Variants in MTUS2 observed in about 807,000 individuals in gnomAD.
The protein encoded by MTUS2 is microtubule-associated tumor suppressor candidate 2.
MTUS2 carries 40 observed loss-of-function variants against 114.1 expected under a neutral mutation model. The ratio of observed to expected loss-of-function variants is 0.35; its 90% CI spans 0.27 to 0.46. The LOEUF (loss-of-function observed/expected upper bound fraction) is 0.46, where lower values mean the gene tolerates loss of function less well. MTUS2 is among the 20% of genes least tolerant of loss of function. The pLI, the probability that MTUS2 is intolerant of heterozygous loss-of-function variation, is 1.00. For synonymous variants in MTUS2, 688 were observed against 672.0 expected (o/e 1.02, Z -0.37); for missense variants, 1,679 against 1,705.4 (o/e 0.98, Z 0.27).
At chr13:29,117,376 G>T (rs967013473) in intron 5 of MTUS2, among the ~76,000 whole-genome samples, 1 of 152,098 alleles carries the variant, frequency 6.6e-6, no homozygotes, top group African/African-American at 2.4e-5. Context: ...GAGGACAGAG[G>T]GCCACCAGCA....
chr13:29,326,571 AG>A (rs974799676), intron 7 of MTUS2, among the ~76,000 whole-genome samples: 3 of 152,152 alleles, frequency 2.0e-5, no homozygotes, highest in Non-Finnish European at 2.9e-5. Flanking sequence ...GAAGGAAAGA[AG>A]GAAGGCCAGG....
At chr13:29,184,527 G>A (rs1348559918) in intron 5 of MTUS2, among the ~76,000 whole-genome samples, 1 of 152,144 alleles carries the variant, frequency 6.6e-6, no homozygotes. Context: ...GGACATGAAG[G>A]CTAATGTGGA....
intron 2 of MTUS2, among the ~76,000 whole-genome samples, chr13:28,944,543 T>C (rs73439422): frequency 0.011 from 1,606 of 152,350 alleles, 27 homozygotes; most frequent in African/African-American, 0.036. Flanking sequence ...TTGTATATAA[T>C]GACATTTACT....
rs1439426082 is a variant in MTUS2, at chr13:29,497,219, C to T, written c.3580-19C>T. 3 of 1,609,642 alleles carry T rather than the reference C, an allele frequency of 1.9e-6. No individual in the cohort carries two copies. The highest frequency in any genetic ancestry group is 2.5e-6 in the Non-Finnish European group (3 of 1,177,768). On this transcript the variant is annotated intron_variant, in intron 12 of 15. Coordinates refer to ENST00000612955, the MANE Select transcript of MTUS2 (RefSeq NM_001033602.4). Reference sequence around the variant, plus strand: ...GTCTGTAGTGGCCCCAGCTGGACTCCTTGTATCATTACTTGCAGGACCAGG... The same window carrying T: ...GTCTGTAGTGGCCCCAGCTGGACTCTTTGTATCATTACTTGCAGGACCAGG...
chr13:29,134,722 C>T (rs1018090923), intron 5 of MTUS2, among the ~76,000 whole-genome samples: 5 of 152,228 alleles, frequency 3.3e-5, no homozygotes, highest in Admixed American at 1.3e-4. Context: ...CTTAGCTTCC[C>T]GAGTAGCTGG....
chr13:29,007,508 A>C (rs1048982599), intron 2 of MTUS2, among the ~76,000 whole-genome samples: 5 of 152,176 alleles, frequency 3.3e-5, no homozygotes, highest in Non-Finnish European at 4.4e-5. Context: ...CAGACTTCCA[A>C]AATTTGGGTA....
At chr13:29,038,294 C>T (rs760113480) in intron 4 of MTUS2, among the ~76,000 whole-genome samples, 4 of 152,234 alleles carry the variant, frequency 2.6e-5, no homozygotes, top group Non-Finnish European at 5.9e-5. Flanking sequence ...ATCAGTCAGG[C>T]TCCTCCTCTG....
intron 8 of MTUS2, among the ~76,000 whole-genome samples, chr13:29,377,924 G>A (rs1346987560): frequency 2.6e-5 from 4 of 152,198 alleles, no homozygotes; most frequent in Admixed American, 2.0e-4. Flanking sequence ...ATGGAAGAGA[G>A]GCTATCCCTG....
chr13:29,265,593 G>T (rs1248168752), intron 5 of MTUS2, among the ~76,000 whole-genome samples: 1 of 152,142 alleles, frequency 6.6e-6, no homozygotes, highest in Non-Finnish European at 1.5e-5. Flanking sequence ...GATTGAATTG[G>T]CTCATGGTTC....
intron 2 of MTUS2, among the ~76,000 whole-genome samples, chr13:29,001,541 G>A (rs573853581): frequency 6.6e-6 from 1 of 152,322 alleles, no homozygotes; most frequent in South Asian, 2.1e-4. Flanking sequence ...TATGGGTAGA[G>A]CAGCTTTGGA....
At position 29,503,128 on chromosome 13, in the gene MTUS2, C is replaced by CT; in HGVS notation, c.4033dup (p.Ser1345PhefsTer45). On this transcript the variant is annotated frameshift_variant, in exon 16 of 16. Coordinates refer to ENST00000612955, the MANE Select transcript of MTUS2 (RefSeq NM_001033602.4). LOFTEE classifies it high-confidence loss of function. ...GGGACCCGACCAGTCCGATTAAACT[C>CT]TCGCCCACATCTCCCGTTTACCGCG... The CT allele has an allele frequency of 6.2e-7, 1 of 1,614,244 alleles. No individual in the cohort carries two copies. The highest frequency in any genetic ancestry group is 8.5e-7 in the Non-Finnish European group (1 of 1,180,046).
chr13:29,390,343 T>C (rs114427778), intron 8 of MTUS2, among the ~76,000 whole-genome samples: 2,761 of 151,996 alleles, frequency 0.018, 91 homozygotes, highest in African/African-American at 0.063. Flanking sequence ...ATTTGTAAGA[T>C]TCATTTCCAT....
chr13:29,338,953 T>G (rs1901231256), intron 7 of MTUS2, among the ~76,000 whole-genome samples: 1 of 151,982 alleles, frequency 6.6e-6, no homozygotes, highest in Non-Finnish European at 1.5e-5. Flanking sequence ...TGCAGAATGC[T>G]CAGGTGAAGC....
intron 2 of MTUS2, among the ~76,000 whole-genome samples, chr13:28,906,245 T>A (rs916898668): frequency 6.6e-6 from 1 of 151,500 alleles, no homozygotes; most frequent in Non-Finnish European, 1.5e-5. Context: ...TTTTTATGTC[T>A]CTATTTCCTT....
chr13:29,277,665 T>G (rs1365344063), intron 5 of MTUS2, among the ~76,000 whole-genome samples: 1 of 152,198 alleles, frequency 6.6e-6, no homozygotes, highest in African/African-American at 2.4e-5. Context: ...GGACATAAAC[T>G]AAAGTACATT....
chr13:29,126,418 C>T (rs550464491), intron 5 of MTUS2, among the ~76,000 whole-genome samples: 1 of 152,284 alleles, frequency 6.6e-6, no homozygotes, highest in Admixed American at 6.5e-5. Flanking sequence ...CTACAGAATT[C>T]CCATTTTACT....
At position 29,002,615 on chromosome 13, in the gene MTUS2, A is replaced by G. The variant is rs569385129; in HGVS notation, c.-242-21842A>G. Among the ~76,000 whole-genome samples the G allele has an allele frequency of 3.3e-3, 503 of 152,342 alleles. 2 individuals are homozygous for G. Among genetic ancestry groups the G allele is most frequent in the African/African-American group, 0.011 (461 of 41,588 alleles). On this transcript the variant is annotated intron_variant, in intron 2 of 15. Transcript: ENST00000612955. The stretch of plus-strand genomic sequence containing the variant: ...GAGATGCAAGGGCTTTCATACAGTC[A>G]TATTTGAGCAAATAGTTTAGGAGCA...
At chr13:29,441,560 C>G (rs573420099) in intron 9 of MTUS2, among the ~76,000 whole-genome samples, 1 of 83,126 alleles carries the variant, frequency 1.2e-5, no homozygotes, top group African/African-American at 3.7e-5. Flanking sequence ...TGTGGCCACG[C>G]CTCATGATCC....
chr13:28,871,948 G>A (rs1271470577), intron 2 of MTUS2, among the ~76,000 whole-genome samples: 1 of 152,178 alleles, frequency 6.6e-6, no homozygotes, highest in African/African-American at 2.4e-5. Context: ...AGACCAGGAG[G>A]GAGGAGGCCG....
Sources: allele counts gnomAD v4.1 joint callset (sites outside exome capture counted in the v4.1 genomes callset), GRCh38; gene constraint gnomAD v4.1.1; transcripts MANE v1.5; gene names NCBI Gene and HGNC (gene_info 2026-07-23, HGNC 2026-07-21).